Variants in TDP1 observed in about 807,000 individuals in gnomAD.
TDP1 encodes the protein tyrosyl-DNA phosphodiesterase 1.
In TDP1, 64 loss-of-function variants were observed where a neutral mutation model predicts 81.5. The observed-to-expected ratio is 0.79, with a 90% CI of 0.64 to 0.97. The LOEUF (loss-of-function observed/expected upper bound fraction) is 0.97. TDP1 is among the 50% of genes least tolerant of loss of function. The probability of loss-of-function intolerance (pLI) is 0.00; values close to 1 mark genes in which losing one functional copy is unlikely to be tolerated. For missense variants in TDP1, 723 were observed against 743.8 expected (o/e 0.97, Z 0.33); for synonymous variants, 256 against 264.3 (o/e 0.97, Z 0.30).
At chr14:90,012,239 T>C (rs1884796795) in intron 14 of TDP1, among the ~76,000 whole-genome samples, 2 of 152,278 alleles carry the variant, frequency 1.3e-5, no homozygotes, top group South Asian at 4.1e-4. Context: ...AAAGGATGTA[T>C]GGAAAAGCCT....
intron 15 of TDP1, 32 bp from the exon 16 acceptor site, chr14:90,033,074 T>C (rs768667565): frequency 1.4e-6 from 2 of 1,411,068 alleles, no homozygotes; most frequent in Non-Finnish European, 2.0e-6. Flanking sequence ...GAAAATGGGG[T>C]GCAATCATAG....
At chr14:90,008,960 T>G (rs1884371783) in intron 14 of TDP1, among the ~76,000 whole-genome samples, 1 of 152,232 alleles carries the variant, frequency 6.6e-6, no homozygotes, top group South Asian at 2.1e-4. Context: ...CCTTCTGTCT[T>G]GGCTTCCCAA....
At chr14:90,042,992 G>A in intron 16 of TDP1, 78 bp from the exon 17 acceptor site, 3 of 1,610,458 alleles carry the variant, frequency 1.9e-6, no homozygotes, top group Non-Finnish European at 2.5e-6. Flanking sequence ...AAGCACATAA[G>A]TGTTTTTATG....
At chr14:89,962,264 T>C (rs1048283643) in intron 2 of TDP1, among the ~76,000 whole-genome samples, 1 of 152,188 alleles carries the variant, frequency 6.6e-6, no homozygotes, top group Non-Finnish European at 1.5e-5. Context: ...GTAAATAATG[T>C]ACATACCTAA....
upstream of TDP1, chr14:89,954,971 C>A (rs1009284679): frequency 1.3e-5 from 6 of 473,882 alleles, no homozygotes; most frequent in Non-Finnish European, 1.9e-5. Context: ...GAAATCCAAG[C>A]GCTTCTAGGT....
At chr14:89,959,400 T>C (rs1480224501) in intron 2 of TDP1, among the ~76,000 whole-genome samples, 1 of 152,252 alleles carries the variant, frequency 6.6e-6, no homozygotes, top group Non-Finnish European at 1.5e-5. Context: ...GGTGACCAGT[T>C]ATCCAAAGTA....
At position 90,039,016 on chromosome 14, in the gene TDP1, T is replaced by G. The variant is rs181509872; in HGVS notation, c.1754-4054T>G. Reference sequence around the variant, plus strand: ...CACAAACAGAAGGCTAAAAGTAAACTATGAGTTCAGCTTTTAAAATTACTT... The same window carrying G: ...CACAAACAGAAGGCTAAAAGTAAACGATGAGTTCAGCTTTTAAAATTACTT... On this transcript the variant is annotated intron_variant, in intron 16 of 16. Transcript: ENST00000335725. 9.6e-4 allele frequency among the ~76,000 whole-genome samples: 146 copies of G among 152,150 alleles called. 1 individual carries two copies. The highest frequency in any genetic ancestry group is 3.4e-3 in the Middle Eastern group (1 of 294).
chr14:89,989,797 T>G, intron 12 of TDP1, 32 bp downstream of exon 12: 2 of 1,526,610 alleles, frequency 1.3e-6, no homozygotes, highest in Non-Finnish European at 1.8e-6. Flanking sequence ...TTGATTGTGT[T>G]TTATGTATAT....
At position 89,988,906 on chromosome 14, in the gene TDP1, T is replaced by C. The variant is rs1329685370; in HGVS notation, c.1133T>C (p.Leu378Pro). Residue 378 changes from leucine to proline, a missense_variant and splice_region_variant, in exon 11 of 17, where the codon CTT becomes CCT. By Grantham distance (98) the Leu-to-Pro change is moderately conservative. Coordinates refer to ENST00000335725, the MANE Select transcript of TDP1 (RefSeq NM_018319.4). ...DNWGHFRLKK[L>P]LKDHASSMPN... ...ACATTCACTTTTATTCTTTCCCAGC[T>C]TCTGAAAGACCATGCCTCATCCATG... The C allele has an allele frequency of 1.2e-6, 2 of 1,613,958 alleles. No individual in the cohort carries two copies. The highest frequency in any genetic ancestry group is 1.7e-5 in the Admixed American group (1 of 60,008).
Position 89,991,822 on chromosome 14 carries a change from G to A in TDP1, c.1367-95G>A. 3 of 1,331,620 alleles carry A rather than the reference G, an allele frequency of 2.3e-6. No individual in the cohort carries two copies. The South Asian group carries it at 4.1e-5, about 18-fold the overall frequency. 82.5% of individuals were successfully genotyped at this position (1,331,620 alleles called of 1,614,324 possible). The stretch of plus-strand genomic sequence containing the variant: ...AAGTAATAGAAGTAGTTTTTTTCCT[G>A]TTACCTTCTTGCTGTTTATTGTAGA... On this transcript the variant is annotated intron_variant, in intron 12 of 16. Transcript: ENST00000335725.
intron 12 of TDP1, among the ~76,000 whole-genome samples, chr14:89,990,547 CTTTTTT>C (rs34248681): frequency 2.0e-5 from 2 of 102,406 alleles, no homozygotes; most frequent in African/African-American, 3.9e-5. Context: ...TGTATTAGCC[CTTTTTT>C]TTTTTTTTTT....
Position 89,993,535 on chromosome 14 carries a change from A to G in TDP1, c.1541+52A>G, listed in dbSNP as rs755188077. 2.5e-6 allele frequency: 4 copies of G among 1,597,268 alleles called. No individual in the cohort carries two copies. The Admixed American group carries it at 6.9e-5, about 27-fold the overall frequency. ...GAGAAATCTTTTTAATGTGTTCATA[A>G]TTCTTGCTCTGAATGTTGAATGGGT... On this transcript the variant is annotated intron_variant, in intron 14 of 16. Transcript: ENST00000335725.
chr14:89,972,400 C>T (rs1893766538), intron 6 of TDP1, among the ~76,000 whole-genome samples: 1 of 152,190 alleles, frequency 6.6e-6, no homozygotes, highest in African/African-American at 2.4e-5. Flanking sequence ...TCACCTCCTA[C>T]CAGGCCCCTC....
At chr14:90,041,166 C>T (rs34499392) in intron 16 of TDP1, among the ~76,000 whole-genome samples, 5,870 of 152,214 alleles carry the variant, frequency 0.039, 377 homozygotes, top group African/African-American at 0.13. Flanking sequence ...GAACAGTATA[C>T]AGGAAACGAT....
At chr14:90,033,646 G>A in intron 16 of TDP1, 1 of 242,838 alleles carries the variant, frequency 4.1e-6, no homozygotes, top group Non-Finnish European at 8.3e-6. Flanking sequence ...ATTTATTGGA[G>A]ACTACTAAAG....
At chr14:90,035,836 C>T (rs1887767891) in intron 16 of TDP1, among the ~76,000 whole-genome samples, 1 of 151,548 alleles carries the variant, frequency 6.6e-6, no homozygotes. Context: ...CCTGCACTTC[C>T]CACCCCCAGC....
chr14:90,011,124 A>C (rs941529407), intron 14 of TDP1, among the ~76,000 whole-genome samples: 1 of 152,164 alleles, frequency 6.6e-6, no homozygotes, highest in South Asian at 2.1e-4. Context: ...CCTGCCTGCC[A>C]CCATGTAAGG....
In TDP1 at chr14:89,984,292, TA is replaced by T; in HGVS notation, c.885-223del. On this transcript the variant is annotated intron_variant, in intron 8 of 16. Transcript: ENST00000335725. The stretch of plus-strand genomic sequence containing the variant: ...GAAGAGGTGGGCAGAGCCCAGGTCT[TA>T]CTGAATCTTAAATTCATGGCAAGAC... 3 of 985,378 alleles carry T rather than the reference TA, an allele frequency of 3.0e-6. No homozygotes were observed. In the South Asian group the frequency reaches 1.4e-4, roughly 46 times the overall value. 61.0% of individuals were successfully genotyped at this position (985,378 alleles called of 1,614,324 possible). A position where few individuals can be genotyped will look rare whatever the true frequency, so the allele number is the denominator to read the frequency against.
chr14:89,960,644 G>C (rs763223920), intron 2 of TDP1, among the ~76,000 whole-genome samples: 4 of 152,168 alleles, frequency 2.6e-5, no homozygotes, highest in Non-Finnish European at 5.9e-5. Context: ...AGTCAATAAG[G>C]CTTTGGCTGT....
Sources: gnomAD v4.1 joint callset for allele counts (sites outside exome capture counted in the v4.1 genomes callset) on GRCh38, gnomAD v4.1.1 for gene constraint, MANE v1.5 for transcripts, NCBI Gene and HGNC (gene_info 2026-07-23, HGNC 2026-07-21) for gene names.